The following ACE variants were observed in gnomAD, a reference collection of about 807,000 sequenced individuals.
ACE encodes the protein angiotensin-converting enzyme.
Under a neutral mutation model 162.3 loss-of-function variants are expected in ACE, and 122 were observed. The ratio of observed to expected loss-of-function variants is 0.75; its 90% CI spans 0.65 to 0.87. The LOEUF is 0.87. ACE is among the 40% of genes least tolerant of loss of function. The pLI, the probability that ACE is intolerant of heterozygous loss-of-function variation, is 0.00. For synonymous variants in ACE, 796 were observed against 720.6 expected, an observed-to-expected ratio of 1.10 and a Z score of -1.68; for missense variants, 1,799 against 1,735.1, an observed-to-expected ratio of 1.04 and a Z score of -0.65.
At chr17:63,488,568 A>C in intron 15 of ACE, 80 bp from the exon 16 acceptor site, 1 of 1,468,960 alleles carries the variant, frequency 6.8e-7, no homozygotes, top group Non-Finnish European at 9.2e-7. Context: ...ATTTTATTCC[A>C]GCTCTGAAAT....
chr17:63,483,567 G>GCGGGGGGGGCGCCCCCCCCCCCC lies in ACE; in HGVS notation c.1586+10_1586+11insGGGGGGGGCGCCCCCCCCCCCCC. The GCGGGGGGGGCGCCCCCCCCCCCC allele has an allele frequency of 6.3e-7, 1 of 1,589,582 alleles. No individual in the cohort carries two copies. Among genetic ancestry groups the GCGGGGGGGGCGCCCCCCCCCCCC allele is most frequent in the Non-Finnish European group, 8.6e-7 (1 of 1,165,688 alleles). ...GTGACACCATACATCAGGTATTAGCGCCCCCACCCCACCCACCCCCAGTAC... is the reference window on the plus strand; with the variant it reads ...GTGACACCATACATCAGGTATTAGCGCGGGGGGGGCGCCCCCCCCCCCCCCCCCACCCCACCCACCCCCAGTAC... On this transcript the variant is annotated intron_variant, in intron 10 of 24. Coordinates refer to ENST00000290866, the MANE Select transcript of ACE (RefSeq NM_000789.4).
At chr17:63,492,983 C>A (rs561480175) in intron 19 of ACE, among the ~76,000 whole-genome samples, 37 of 152,314 alleles carry the variant, frequency 2.4e-4, no homozygotes, top group African/African-American at 7.9e-4. Context: ...ATAAGTTTGT[C>A]GCTGTTGGGC....
Position 63,497,685 on chromosome 17 carries a change from A to T in ACE, c.*319A>T, listed in dbSNP as rs886053228. 1.1e-5 allele frequency: 6 copies of T among 567,284 alleles called. No homozygotes were observed. The Admixed American group carries it at 1.3e-4, about 13-fold the overall frequency. 35.1% of individuals were successfully genotyped at this position (567,284 alleles called of 1,614,324 possible). A position where few individuals can be genotyped will look rare whatever the true frequency, so the allele number is the denominator to read the frequency against. On this transcript the variant is annotated 3_prime_UTR_variant, in exon 25 of 25. Coordinates refer to ENST00000290866, the MANE Select transcript of ACE (RefSeq NM_000789.4). ...ACAGGCTGCTTTCCTGCCTCCTGGC[A>T]GTCAAGTGGGTCCCGTTACTAGGTT...
intron 4 of ACE, 37 bp from the exon 5 acceptor site, chr17:63,480,300 T>TA: frequency 6.2e-7 from 1 of 1,609,414 alleles, no homozygotes; most frequent in Non-Finnish European, 8.5e-7. Context: ...GTCCGAGCCT[T>TA]TGGCCTGAGC....
chr17:63,484,582 C>T lies in ACE; in HGVS notation c.1921+41C>T. ...AGGATGGTGTGGGGCTAAGGTGGGT[C>T]CTCAACTCTGGGCTTGGCCCAGGCC... On this transcript the variant is annotated intron_variant, in intron 12 of 24. Transcript: ENST00000290866. This position sits in a 1 kb window ranked among gnomAD's most constrained non-coding sequence, Gnocchi z 4.0. 6.3e-7 allele frequency: 1 copy of T among 1,577,720 alleles called. No individual in the cohort carries two copies. Among genetic ancestry groups the T allele is most frequent in the Non-Finnish European group, 8.6e-7 (1 of 1,161,824 alleles).
chr17:63,483,102 C>A lies in ACE; in HGVS notation c.1416C>A (p.Asp472Glu). 6.2e-7 allele frequency: 1 copy of A among 1,614,182 alleles called. No homozygotes were observed. Among genetic ancestry groups the A allele is most frequent in the Non-Finnish European group, 8.5e-7 (1 of 1,180,036 alleles). ...IAFLPFGYLV[D>E]QWRWGVFSGR... ...TCCTGCCCTTTGGCTACTTGGTGGA[C>A]CAGTGGCGCTGGGGGGTCTTTAGTG... The change falls in exon 9 of 25, where the codon GAC (aspartate) becomes GAA (glutamate). Residue 472 changes from aspartate to glutamate, a missense_variant. Physicochemically the swap from Asp to Glu is conservative, Grantham distance 45. Transcript: ENST00000290866.
In ACE at chr17:63,496,963, G is replaced by A. The variant is rs867518041; in HGVS notation, c.3669G>A (p.Gln1223=). The change falls in exon 24 of 25, where the codon CAG becomes CAA. Residue 1223 remains glutamine, a synonymous_variant. Transcript: ENST00000290866. ...ELHGEKLGWP[Q]YNWTPNSARS... ...ATGGGGAGAAGCTGGGCTGGCCGCA[G>A]TACAACTGGACGCCGAACTCCGGTA... The A allele has an allele frequency of 1.9e-6, 3 of 1,612,362 alleles. No individual in the cohort carries two copies. The Middle Eastern group carries it at 5.6e-4, about 303-fold the overall frequency.
chr17:63,497,036 G>T (rs2030793877), intron 24 of ACE, 51 bp downstream of exon 24: 7 of 1,591,822 alleles, frequency 4.4e-6, no homozygotes, highest in African/African-American at 1.3e-5. Context: ...CCCTCCCCAG[G>T]CTGGGCAGCC....
At position 63,484,082 on chromosome 17, in the gene ACE, C is replaced by A; in HGVS notation, c.1709+111C>A. On this transcript the variant is annotated intron_variant, in intron 11 of 24. Transcript: ENST00000290866. The surrounding 1 kb of genome is among the most constrained non-coding windows in gnomAD (Gnocchi z 4.0). ...GGGGTGGGGGGCACCAACCACAGAG[C>A]TGGACTGATGTGGATGCCTGTCTCC... 6 of 1,489,594 alleles carry A rather than the reference C, an allele frequency of 4.0e-6. No homozygotes were observed. Among genetic ancestry groups the A allele is most frequent in the Non-Finnish European group, 4.5e-6 (5 of 1,110,424 alleles). The allele number at this position is 1,489,594 out of a possible 1,614,324, so 92.3% of individuals were successfully genotyped here.
chr17:63,495,683 T>C (rs1308758938), intron 22 of ACE, among the ~76,000 whole-genome samples: 1 of 152,182 alleles, frequency 6.6e-6, no homozygotes. Flanking sequence ...AGCCAGCTGG[T>C]GTGATGGCTA....
At position 63,491,343 on chromosome 17, in the gene ACE, C is replaced by T. The variant is rs148024347; in HGVS notation, c.2874C>T (p.His958=). ...CCGACGGGCGGGAGGTGGTCTGCCA[C>T]GCCTCGGCCTGGGACTTCTACAACG... ...KPTDGREVVC[H]ASAWDFYNGK... Residue 958 remains histidine, a synonymous_variant, in exon 19 of 25, where the codon CAC becomes CAT. Transcript: ENST00000290866. The surrounding 1 kb of genome is among the most constrained non-coding windows in gnomAD (Gnocchi z 4.4). 44 of 1,614,124 alleles carry T rather than the reference C, an allele frequency of 2.7e-5. No homozygotes were observed. The highest frequency in any genetic ancestry group is 2.7e-4 in the African/African-American group (20 of 75,032).
Position 63,484,417 on chromosome 17 carries a change from G to A in ACE, c.1797G>A (p.Leu599=), listed in dbSNP as rs772221735. 1.2e-6 allele frequency: 2 copies of A among 1,612,416 alleles called. No individual in the cohort carries two copies. Among genetic ancestry groups the A allele is most frequent in the South Asian group, 1.1e-5 (1 of 90,900 alleles). The change falls in exon 12 of 25, where the codon CTG becomes CTA. Residue 599 remains leucine (L), a synonymous_variant. Coordinates refer to ENST00000290866, the MANE Select transcript of ACE (RefSeq NM_000789.4). This position sits in a 1 kb window ranked among gnomAD's most constrained non-coding sequence, Gnocchi z 4.0. ...TAGATGCCCTGGATGCCCAGCCGCT[G>A]CTCAAGTACTTCCAGCCAGTCACCC... ...VGLDALDAQP[L]LKYFQPVTQW... is the part of the protein sequence containing the mutation.
Position 63,491,419 on chromosome 17 carries a change from C to T in ACE, c.2912+38C>T, listed in dbSNP as rs764065624. 1.7e-5 allele frequency: 27 copies of T among 1,613,204 alleles called. No individual in the cohort carries two copies. Among genetic ancestry groups the T allele is most frequent in the Non-Finnish European group, 2.1e-5 (25 of 1,179,738 alleles). ...AGGGCTCAGGTCTCGTTCCTGAGCC[C>T]CACGGGCAAGGGAAATGAACCAAGC... On this transcript the variant is annotated intron_variant, in intron 19 of 24. Transcript: ENST00000290866. This position sits in a 1 kb window ranked among gnomAD's most constrained non-coding sequence, Gnocchi z 4.4.
In ACE at chr17:63,484,972, G is replaced by T. The variant is rs2029866600; in HGVS notation, c.1922-264G>T. On this transcript the variant is annotated intron_variant, in intron 12 of 24. Transcript: ENST00000290866. The surrounding 1 kb of genome is among the most constrained non-coding windows in gnomAD (Gnocchi z 4.0). ...CCAGCCAGGAGGCATCCCAACAGGT[G>T]ACAGTCACCCATGGGACAAGCAGCC... 1 of 1,607,582 alleles carries T rather than the reference G, an allele frequency of 6.2e-7. No individual in the cohort carries two copies.
In ACE at chr17:63,482,646, T is replaced by C; in HGVS notation, c.1299T>C (p.His433=). The C allele has an allele frequency of 6.2e-7, 1 of 1,613,936 alleles. No individual in the cohort carries two copies. Among genetic ancestry groups the C allele is most frequent in the Non-Finnish European group, 8.5e-7 (1 of 1,179,934 alleles). Reference sequence around the variant, plus strand: ...CGCTCTCGGTCTCCACTCCTGAACATCTGCACAAAATCGGCCTGCTGGACC... The same window carrying C: ...CGCTCTCGGTCTCCACTCCTGAACACCTGCACAAAATCGGCCTGCTGGACC... The part of the protein sequence containing the change: ...VLALSVSTPE[H]LHKIGLLDRV... Residue 433 remains histidine, a synonymous_variant, in exon 8 of 25, where the codon CAT becomes CAC. Coordinates refer to ENST00000290866, the MANE Select transcript of ACE (RefSeq NM_000789.4).
At position 63,481,729 on chromosome 17, in the gene ACE, A is replaced by G. The variant is rs1176719016; in HGVS notation, c.1109A>G (p.Lys370Arg). ...HASAWDFYNRKDFRIKQCTRV... is the reference protein window; with the variant it reads ...HASAWDFYNRRDFRIKQCTRV... ...TCGGCTTGGGACTTCTACAACAGGAAAGACTTCAGGTTCAGACATGGGAAG... is the reference window on the plus strand; with the variant it reads ...TCGGCTTGGGACTTCTACAACAGGAGAGACTTCAGGTTCAGACATGGGAAG... The change falls in exon 7 of 25, where the codon AAA (lysine) becomes AGA (arginine). Residue 370 changes from lysine (K) to arginine (R), a missense_variant. Lys to Arg is a conservative substitution (Grantham distance 26). Transcript: ENST00000290866. 1 of 1,614,082 alleles carries G rather than the reference A, an allele frequency of 6.2e-7. No individual in the cohort carries two copies. The highest frequency in any genetic ancestry group is 1.7e-5 in the Admixed American group (1 of 60,018).
In ACE at chr17:63,497,758, GCCCCAGC is replaced by G. The variant is rs2030862979; in HGVS notation, c.*393_*399del. The G allele has an allele frequency of 6.0e-5, 24 of 399,708 alleles. No homozygotes were observed. Among genetic ancestry groups the G allele is most frequent in the Middle Eastern group, 6.7e-4 (1 of 1,488 alleles). The allele number at this position is 399,708 out of a possible 1,614,324, so 24.8% of individuals were successfully genotyped here. On this transcript the variant is annotated 3_prime_UTR_variant, in exon 25 of 25. Transcript: ENST00000290866. ...AGCCGGGGAGGATCCCCAGAGCTCT[GCCCCAGC>G]ACCTCCTGGCGCTGGCGCCTGTCTT...
chr17:63,482,293 G>A (rs1330524608), intron 7 of ACE, among the ~76,000 whole-genome samples, 173 bp from the exon 8 acceptor site: 1 of 150,486 alleles, frequency 6.6e-6, no homozygotes, highest in Non-Finnish European at 1.5e-5. Context: ...AGAGTGAGAC[G>A]CTGTCTCAAA....
At position 63,497,609 on chromosome 17, in the gene ACE, C is replaced by T; in HGVS notation, c.*243C>T. 1 of 693,348 alleles carries T rather than the reference C, an allele frequency of 1.4e-6. No individual in the cohort carries two copies. Among genetic ancestry groups the T allele is most frequent in the Non-Finnish European group, 2.6e-6 (1 of 379,478 alleles). 42.9% of individuals were successfully genotyped at this position (693,348 alleles called of 1,614,324 possible). Reference sequence around the variant, plus strand: ...CTCTCTGTGAATACAATTAAAGGTCCTGCCCTCCCCATCTGAGTCTGTGTC... The same window carrying T: ...CTCTCTGTGAATACAATTAAAGGTCTTGCCCTCCCCATCTGAGTCTGTGTC... On this transcript the variant is annotated 3_prime_UTR_variant, in exon 25 of 25. Coordinates refer to ENST00000290866, the MANE Select transcript of ACE (RefSeq NM_000789.4).
Sources: allele counts gnomAD v4.1 joint callset (sites outside exome capture counted in the v4.1 genomes callset), GRCh38; gene constraint gnomAD v4.1.1; non-coding constraint Gnocchi (gnomAD v3.1); transcripts MANE v1.5; gene names NCBI Gene and HGNC (gene_info 2026-07-23, HGNC 2026-07-21).